Variants in STARD9 observed in about 807,000 individuals in gnomAD.
STARD9 encodes stAR-related lipid transfer protein 9.
STARD9 carries 346 observed loss-of-function variants against 399.8 expected under a neutral mutation model. The ratio of observed to expected loss-of-function variants is 0.87; its 90% CI spans 0.79 to 0.95. The LOEUF (loss-of-function observed/expected upper bound fraction) is 0.95. Among genes scored for constraint, STARD9 ranks in the 40% least tolerant of loss-of-function variants. The pLI, the probability that STARD9 is intolerant of heterozygous loss-of-function variation, is 0.00. For missense variants in STARD9, 5,832 were observed against 5,667.5 expected, an observed-to-expected ratio of 1.03 and a Z score of -0.93; for synonymous variants, 2,203 against 2,143.5, an observed-to-expected ratio of 1.03 and a Z score of -0.77.
chr15:42,590,837 G>T lies in STARD9; in HGVS notation c.234+5200G>T, dbSNP rs547496925. Among the ~76,000 whole-genome samples, 253 of 152,234 alleles carry T rather than the reference G, an allele frequency of 1.7e-3. 2 individuals carry two copies. The highest frequency in any genetic ancestry group is 2.9e-3 in the Non-Finnish European group (195 of 68,022). On this transcript the variant is annotated intron_variant, in intron 3 of 32. Coordinates refer to ENST00000290607, the MANE Select transcript of STARD9 (RefSeq NM_020759.3). ...CAGTGTGAACTAATAGAGCAAGAAC[G>T]CACTCATTACTGTGGGGAGGGGACC...
chr15:42,668,080 G>A (rs751635503), intron 15 of STARD9, among the ~76,000 whole-genome samples: 5 of 152,156 alleles, frequency 3.3e-5, no homozygotes, highest in Admixed American at 1.3e-4. Flanking sequence ...ACTTGAACCT[G>A]CCCCTTGTTG....
intron 26 of STARD9, among the ~76,000 whole-genome samples, chr15:42,706,566 C>T (rs1488322897): frequency 6.6e-6 from 1 of 151,990 alleles, no homozygotes; most frequent in East Asian, 1.9e-4. Flanking sequence ...TCTCCTGCCT[C>T]AGCCTCCCGA....
chr15:42,676,982 G>A (rs1348532327), intron 20 of STARD9, among the ~76,000 whole-genome samples: 1 of 151,816 alleles, frequency 6.6e-6, no homozygotes, highest in Non-Finnish European at 1.5e-5. Context: ...GCTGGGCACG[G>A]TGGCTCCTGC....
intron 3 of STARD9, among the ~76,000 whole-genome samples, chr15:42,616,100 GA>G (rs1179814928): frequency 2.0e-5 from 3 of 151,902 alleles, no homozygotes; most frequent in Admixed American, 1.3e-4. Context: ...AAACAGCAAA[GA>G]AAAAATGTAA....
chr15:42,674,430 C>A lies in STARD9; in HGVS notation c.1498-10C>A, dbSNP rs772958014. ...TAATTCTCATTAAAATGGCTTTTTTCCCCCTTTAGGAAGGGACAACAAAAA... is the reference window on the plus strand; with the variant it reads ...TAATTCTCATTAAAATGGCTTTTTTACCCCTTTAGGAAGGGACAACAAAAA... On this transcript the variant is annotated splice_polypyrimidine_tract_variant and intron_variant, in intron 16 of 32. Coordinates refer to ENST00000290607, the MANE Select transcript of STARD9 (RefSeq NM_020759.3). The A allele has an allele frequency of 1.3e-6, 2 of 1,536,054 alleles. No individual in the cohort carries two copies. Among genetic ancestry groups the A allele is most frequent in the Non-Finnish European group, 1.7e-6 (2 of 1,145,918 alleles).
In STARD9 at chr15:42,688,905, C is replaced by G. The variant is rs1172246042; in HGVS notation, c.7327C>G (p.Gln2443Glu). ...CAGGATCTCAGCAAGCACCAGCCCC[C>G]AAGACCATGGAAAGGACCTCAGAAT... ...EDRISASTSP[Q>E]DHGKDLRITL... Residue 2443 changes from glutamine to glutamate, a missense_variant, in exon 23 of 33, where the codon CAA (glutamine) becomes GAA (glutamate). Physicochemically the swap from Gln to Glu is conservative, Grantham distance 29 (BLOSUM62 2). This residue lies in a region of STARD9 where 5,828 missense variants were observed against 5,651.1 expected (regional missense o/e 1.03). Transcript: ENST00000290607. 1 of 1,537,220 alleles carries G rather than the reference C, an allele frequency of 6.5e-7. No individual in the cohort carries two copies. The highest frequency in any genetic ancestry group is 8.7e-7 in the Non-Finnish European group (1 of 1,146,938).
intron 3 of STARD9, among the ~76,000 whole-genome samples, chr15:42,624,124 G>C (rs1175100741): frequency 6.6e-6 from 1 of 152,212 alleles, no homozygotes; most frequent in Non-Finnish European, 1.5e-5. Context: ...TGGCACAGAT[G>C]ACACTTTCCC....
intron 29 of STARD9, 76 bp from the exon 30 acceptor site, chr15:42,717,901 C>G (rs1158789735): frequency 6.7e-7 from 1 of 1,502,838 alleles, no homozygotes; most frequent in Non-Finnish European, 9.0e-7. Context: ...AGTCTTCACT[C>G]TGAGCCCCTC....
In STARD9 at chr15:42,694,167, A is replaced by T; in HGVS notation, c.12589A>T (p.Ile4197Phe). The stretch of plus-strand genomic sequence containing the variant: ...TTCTGAGTGGTCCAAGAGGGAGCAG[A>T]TCCCCCTGCAAGTTGGGGCCCAGAA... Reference protein sequence around the residue: ...QDSEWSKREQIPLQVGAQNLS... With the variant: ...QDSEWSKREQFPLQVGAQNLS... Residue 4197 changes from isoleucine (I) to phenylalanine (F), a missense_variant, in exon 23 of 33, where the codon ATC becomes TTC. Physicochemically the swap from Ile to Phe is conservative, Grantham distance 21 (BLOSUM62 0). Transcript: ENST00000290607. 2 of 1,535,076 alleles carry T rather than the reference A, an allele frequency of 1.3e-6. No homozygotes were observed. The highest frequency in any genetic ancestry group is 1.7e-6 in the Non-Finnish European group (2 of 1,146,014).
intron 7 of STARD9, among the ~76,000 whole-genome samples, chr15:42,646,332 GC>G (rs1485709350): frequency 6.6e-6 from 1 of 152,206 alleles, no homozygotes; most frequent in Non-Finnish European, 1.5e-5. Flanking sequence ...TCCAATGGAA[GC>G]CTGATTTGTC....
chr15:42,669,107 T>C (rs2060157399), intron 15 of STARD9, 51 bp from the exon 16 acceptor site: 13 of 1,444,100 alleles, frequency 9.0e-6, no homozygotes, highest in Non-Finnish European at 1.2e-5. Context: ...TTCTGACCTT[T>C]AGTCTGTTCC....
chr15:42,716,476 G>A (rs942545663), intron 26 of STARD9, among the ~76,000 whole-genome samples: 8 of 152,182 alleles, frequency 5.3e-5, no homozygotes, highest in Non-Finnish European at 1.0e-4. Context: ...CTGTGGCTTA[G>A]AGGGGGAGCA....
At chr15:42,575,880 G>T (rs189324154) in intron 1 of STARD9, 118 bp downstream of exon 1, 4 of 1,158,946 alleles carry the variant, frequency 3.5e-6, no homozygotes, top group Non-Finnish European at 3.7e-6. Context: ...GTGACCCGGG[G>T]GGTCGGGGTC....
intron 7 of STARD9, among the ~76,000 whole-genome samples, chr15:42,644,344 T>G (rs1255195562): frequency 6.6e-6 from 1 of 151,926 alleles, no homozygotes; most frequent in African/African-American, 2.4e-5. Context: ...ATACAAAAAA[T>G]TAGCCGGGTG....
In STARD9 at chr15:42,719,416, C is replaced by A. The variant is rs1156277470; in HGVS notation, c.14002-57C>A. On this transcript the variant is annotated intron_variant, in intron 32 of 32. Transcript: ENST00000290607. ...GAGGGGACTCCATGGGACTGGAGTA[C>A]GCCTGGCATTCTCTCAAATCTATTT... 7 of 1,153,108 alleles carry A rather than the reference C, an allele frequency of 6.1e-6. No individual in the cohort carries two copies. The East Asian group carries it at 1.8e-4, about 29-fold the overall frequency. 71.4% of individuals were successfully genotyped at this position (1,153,108 alleles called of 1,614,324 possible).
rs2058039920 is a variant in STARD9, at chr15:42,575,781, G to A, written c.47+19G>A. 1.3e-6 allele frequency: 2 copies of A among 1,536,670 alleles called. No homozygotes were observed. The highest frequency in any genetic ancestry group is 1.7e-6 in the Non-Finnish European group (2 of 1,146,536). ...GCAAGAGGTGAGTCTCCGCGGGAGA[G>A]GGCGCCTGAGGCTTCACAGGAGCTG... On this transcript the variant is annotated intron_variant, in intron 1 of 32. Coordinates refer to ENST00000290607, the MANE Select transcript of STARD9 (RefSeq NM_020759.3).
At position 42,694,243 on chromosome 15, in the gene STARD9, G is replaced by C; in HGVS notation, c.12665G>C (p.Gly4222Ala). The C allele has an allele frequency of 6.5e-7, 1 of 1,532,904 alleles. No homozygotes were observed. Among genetic ancestry groups the C allele is most frequent in the Non-Finnish European group, 8.7e-7 (1 of 1,144,712 alleles). The allele number at this position is 1,532,904 out of a possible 1,614,324, so 95.0% of individuals were successfully genotyped here. A position where few individuals can be genotyped will look rare whatever the true frequency, so the allele number is the denominator to read the frequency against. Reference protein sequence around the residue: ...LTEAKLHHGFGEADALLQVLQ... With the variant: ...LTEAKLHHGFAEADALLQVLQ... ...GAAGCGAAACTGCACCATGGCTTTG[G>C]GGAGGCCGATGCCCTGCTCCAGGTG... Residue 4222 changes from glycine to alanine, a missense_variant, in exon 23 of 33, where the codon GGG (glycine) becomes GCG (alanine). Gly to Ala is a moderately conservative substitution (Grantham distance 60). Around this residue, in one of 2 missense-constraint regions of STARD9, gnomAD observed 5,828 missense variants for 5,651.1 expected, o/e 1.03. Transcript: ENST00000290607.
At chr15:42,590,065 A>G (rs964083802) in intron 3 of STARD9, among the ~76,000 whole-genome samples, 10 of 145,688 alleles carry the variant, frequency 6.9e-5, no homozygotes, top group African/African-American at 2.1e-4. Flanking sequence ...AACTTAAGTG[A>G]TCCTCCCACC....
At position 42,693,939 on chromosome 15, in the gene STARD9, C is replaced by G; in HGVS notation, c.12361C>G (p.Gln4121Glu). 1 of 1,505,408 alleles carries G rather than the reference C, an allele frequency of 6.6e-7. No homozygotes were observed. Among genetic ancestry groups the G allele is most frequent in the Non-Finnish European group, 8.9e-7 (1 of 1,129,646 alleles). 93.3% of individuals were successfully genotyped at this position (1,505,408 alleles called of 1,614,324 possible). The change falls in exon 23 of 33, where the codon CAG (glutamine) becomes GAG (glutamate). Residue 4121 changes from glutamine to glutamate, a missense_variant. By Grantham distance (29) the Gln-to-Glu change is conservative (BLOSUM62 2). This residue lies in a region of STARD9 where 5,828 missense variants were observed against 5,651.1 expected (regional missense o/e 1.03). Coordinates refer to ENST00000290607, the MANE Select transcript of STARD9 (RefSeq NM_020759.3). ...QPEELLCFSC[Q>E]MCMAPEHQHH... The stretch of plus-strand genomic sequence containing the variant: ...TGAGGAGTTACTGTGCTTCAGTTGC[C>G]AGATGTGCATGGCCCCTGAGCACCA...
Sources: allele counts gnomAD v4.1 joint callset (sites outside exome capture counted in the v4.1 genomes callset), GRCh38; gene constraint gnomAD v4.1.1; regional missense constraint gnomAD v4.1.1; transcripts MANE v1.5; gene names NCBI Gene and HGNC (gene_info 2026-07-23, HGNC 2026-07-21).